SEPTIN9: variants seen among roughly 807,000 people sequenced by gnomAD.
The protein encoded by SEPTIN9 is septin 9.
SEPTIN9 carries 13 observed loss-of-function variants against 56.6 expected under a neutral mutation model. That is an observed-to-expected ratio of 0.23 (90% CI 0.15 to 0.37). The LOEUF is 0.37. Ranked by LOEUF, SEPTIN9 falls within the 10% of genes least tolerant of loss-of-function variation. The pLI, the probability that SEPTIN9 is intolerant of heterozygous loss-of-function variation, is 1.00. For synonymous variants in SEPTIN9, 332 were observed against 334.1 expected, an observed-to-expected ratio of 0.99 and a Z score of 0.07; for missense variants, 650 against 823.1, an observed-to-expected ratio of 0.79 and a Z score of 2.57.
intron 2 of SEPTIN9, among the ~76,000 whole-genome samples, chr17:77,363,899 G>T (rs1357350457): frequency 6.9e-6 from 1 of 145,610 alleles, no homozygotes; most frequent in African/African-American, 2.4e-5. Context: ...TTGGTCCTTT[G>T]TGCTGTCTCT....
rs531706134 is a variant in SEPTIN9 at position 77,398,004 on chromosome 17, C to A, written c.77-4055C>A. ...GTTTTTTTTTTTTGAGACAGAGTCT[C>A]ACTCTGTCATCCAGGCTGGAGTGTA... On this transcript the variant is annotated intron_variant, in intron 2 of 11. Transcript: ENST00000427177. Among the ~76,000 whole-genome samples the A allele has an allele frequency of 9.2e-3, 1,330 of 143,860 alleles. 16 individuals are homozygous for A. The highest frequency in any genetic ancestry group is 0.012 in the Non-Finnish European group (808 of 66,380). The allele number at this position is 143,860 out of a possible 152,430, so 94.4% of individuals were successfully genotyped here.
intron 10 of SEPTIN9, among the ~76,000 whole-genome samples, chr17:77,494,861 C>A (rs1416423853): frequency 6.6e-6 from 1 of 152,326 alleles, no homozygotes; most frequent in South Asian, 2.1e-4. Context: ...TGCACTCCTC[C>A]CCTACCACCA....
intron 2 of SEPTIN9, among the ~76,000 whole-genome samples, chr17:77,345,284 C>T (rs1048071983): frequency 1.3e-5 from 2 of 152,164 alleles, no homozygotes; most frequent in African/African-American, 4.8e-5. Context: ...CCAAACTGCA[C>T]ACCTGAAAAT....
At chr17:77,298,815 GTTTTA>G (rs952928700) in intron 1 of SEPTIN9, among the ~76,000 whole-genome samples, 6 of 152,152 alleles carry the variant, frequency 3.9e-5, no homozygotes, top group African/African-American at 1.2e-4. Context: ...ATTTTGTTTT[GTTTTA>G]TTTTATTTTA....
chr17:77,370,794 C>A (rs2034697627), intron 2 of SEPTIN9, among the ~76,000 whole-genome samples: 1 of 152,168 alleles, frequency 6.6e-6, no homozygotes, highest in Admixed American at 6.5e-5. Context: ...GGAGGGCCTC[C>A]TCACTATCCT....
At chr17:77,461,494 G>A (rs533696757) in intron 3 of SEPTIN9, among the ~76,000 whole-genome samples, 2 of 152,280 alleles carry the variant, frequency 1.3e-5, no homozygotes, top group South Asian at 4.1e-4. Context: ...GGAGGCTGGG[G>A]ACATCCGAGG....
In SEPTIN9 at chr17:77,389,079, A is replaced by G. The variant is rs1277780512; in HGVS notation, c.77-12980A>G. Among the ~76,000 whole-genome samples, 1 of 152,104 alleles carries G rather than the reference A, an allele frequency of 6.6e-6. No homozygotes were observed. The highest frequency in any genetic ancestry group is 1.5e-5 in the Non-Finnish European group (1 of 68,010). On this transcript the variant is annotated intron_variant, in intron 2 of 11. Coordinates refer to ENST00000427177, the MANE Select transcript of SEPTIN9 (RefSeq NM_001113491.2). This position sits in a 1 kb window ranked among gnomAD's most constrained non-coding sequence, Gnocchi z 4.3. ...GACCAACACGCTCCTCAGGGTCTCC[A>G]GGTCCGGGTCCTGGTCCCCGGCAGA...
Position 77,429,489 on chromosome 17 carries a change from CA to C in SEPTIN9, c.721+26791del. The stretch of plus-strand genomic sequence containing the variant: ...TTGGCAGAGAATCAGAGAGGGCATC[CA>C]AAAAGGCCAACAGTTCGGTGGGGAG... On this transcript the variant is annotated intron_variant, in intron 3 of 11. Transcript: ENST00000427177. The surrounding 1 kb of genome is among the most constrained non-coding windows in gnomAD (Gnocchi z 5.2). 2.7e-6 allele frequency: 1 copy of C among 371,088 alleles called. No homozygotes were observed. Among genetic ancestry groups the C allele is most frequent in the Non-Finnish European group, 5.6e-6 (1 of 179,404 alleles). 23.0% of individuals were successfully genotyped at this position (371,088 alleles called of 1,614,324 possible).
chr17:77,454,438 G>C (rs548395450), intron 3 of SEPTIN9: 6 of 905,568 alleles, frequency 6.6e-6, no homozygotes, highest in Non-Finnish European at 7.9e-6. Context: ...TGGCGGCCAT[G>C]CCCAGTCCGC....
chr17:77,465,632 G>T (rs772178440), intron 3 of SEPTIN9, among the ~76,000 whole-genome samples: 10 of 151,750 alleles, frequency 6.6e-5, no homozygotes, highest in Non-Finnish European at 1.2e-4. Flanking sequence ...TGGGGCTGGG[G>T]TGGGGACGCA....
intron 2 of SEPTIN9, chr17:77,380,330 G>C (rs146443150): frequency 0.053 from 4,421 of 83,190 alleles, 101 homozygotes; most frequent in Non-Finnish European, 0.086. Context: ...CCGTGGCCAT[G>C]GGGGAGGCCG....
At position 77,327,111 on chromosome 17, in the gene SEPTIN9, A is replaced by G. The variant is rs2033167784; in HGVS notation, c.76+19914A>G. 6.6e-6 allele frequency among the ~76,000 whole-genome samples: 1 copy of G among 151,914 alleles called. No homozygotes were observed. The highest frequency in any genetic ancestry group is 1.5e-5 in the Non-Finnish European group (1 of 67,990). ...AGAATAAACCATAGCTGCTGTAGCA[A>G]GTTAATCCTACCAGCACTGGCTCTC... On this transcript the variant is annotated intron_variant, in intron 2 of 11. Coordinates refer to ENST00000427177, the MANE Select transcript of SEPTIN9 (RefSeq NM_001113491.2). The surrounding 1 kb of genome is among the most constrained non-coding windows in gnomAD (Gnocchi z 5.0).
At chr17:77,398,352 G>A (rs1347849971) in intron 2 of SEPTIN9, among the ~76,000 whole-genome samples, 3 of 152,192 alleles carry the variant, frequency 2.0e-5, no homozygotes, top group South Asian at 2.1e-4. Context: ...CTCTGTTCCC[G>A]GGGAGCCGGA....
At chr17:77,474,707 G>A (rs892743557) in intron 3 of SEPTIN9, among the ~76,000 whole-genome samples, 1 of 152,166 alleles carries the variant, frequency 6.6e-6, no homozygotes, top group Admixed American at 6.5e-5. Flanking sequence ...TCACCTACCT[G>A]GCTTCAAATC....
rs183985840 is a variant in SEPTIN9, at chr17:77,287,750, C to T, written c.19+6196C>T. 751 of 433,664 alleles carry T rather than the reference C, an allele frequency of 1.7e-3. 4 individuals carry two copies. Among genetic ancestry groups the T allele is most frequent in the Middle Eastern group, 3.0e-3 (3 of 992 alleles). The allele number at this position is 433,664 out of a possible 1,614,324, so 26.9% of individuals were successfully genotyped here. On this transcript the variant is annotated intron_variant, in intron 1 of 11. Transcript: ENST00000427177. ...TGGGCACTGCTTGCCAATGGCCTCT[C>T]GGCAGCTCTGTGACAGCTGAGCTTT...
intron 3 of SEPTIN9, among the ~76,000 whole-genome samples, chr17:77,473,904 T>A (rs1568099609): frequency 6.6e-6 from 1 of 152,236 alleles, no homozygotes; most frequent in Non-Finnish European, 1.5e-5. Flanking sequence ...CGTCTACCAT[T>A]ATTGTCTATA....
In SEPTIN9 at chr17:77,310,278, G is replaced by A. The variant is rs1390931228; in HGVS notation, c.76+3081G>A. 2.0e-5 allele frequency among the ~76,000 whole-genome samples: 3 copies of A among 152,098 alleles called. No homozygotes were observed. The highest frequency in any genetic ancestry group is 1.3e-4 in the Admixed American group (2 of 15,274). ...ATTATAGGTGTGAGCCACCGCATCC[G>A]GCCTGGTCTCCTCTTGCATACGGTC... On this transcript the variant is annotated intron_variant, in intron 2 of 11. Transcript: ENST00000427177. The surrounding 1 kb of genome is among the most constrained non-coding windows in gnomAD (Gnocchi z 4.7).
At position 77,369,208 on chromosome 17, in the gene SEPTIN9, C is replaced by T. The variant is rs114068453; in HGVS notation, c.77-32851C>T. On this transcript the variant is annotated intron_variant, in intron 2 of 11. Coordinates refer to ENST00000427177, the MANE Select transcript of SEPTIN9 (RefSeq NM_001113491.2). This position sits in a 1 kb window ranked among gnomAD's most constrained non-coding sequence, Gnocchi z 4.9. ...AGGATTGCCCCACTGCACTCCAGAC[C>T]GGGTGACAGAGTGAGACCCTGTCAA... is the stretch of plus-strand genomic sequence containing the variant. 0.015 allele frequency among the ~76,000 whole-genome samples: 2,246 copies of T among 151,988 alleles called. 61 individuals carry two copies. Among genetic ancestry groups the T allele is most frequent in the African/African-American group, 0.049 (2,040 of 41,434 alleles).
At chr17:77,379,712 C>G (rs952642549) in intron 2 of SEPTIN9, among the ~76,000 whole-genome samples, 2 of 152,194 alleles carry the variant, frequency 1.3e-5, no homozygotes, top group Admixed American at 1.3e-4. Context: ...ATCATCGTGC[C>G]GGGGATGGGG....
Sources: gnomAD v4.1 joint callset for allele counts (sites outside exome capture counted in the v4.1 genomes callset) on GRCh38, gnomAD v4.1.1 for gene constraint, Gnocchi (gnomAD v3.1) non-coding constraint, MANE v1.5 for transcripts, NCBI Gene and HGNC (gene_info 2026-07-23, HGNC 2026-07-21) for gene names.